UGGT2: variants seen among roughly 807,000 people sequenced by gnomAD.
UGGT2 encodes the protein UDP-glucose:glycoprotein glucosyltransferase 2.
Under a neutral mutation model 192.1 loss-of-function variants are expected in UGGT2, and 180 were observed. That is an observed-to-expected ratio of 0.94 (90% CI 0.83 to 1.06). UGGT2 has a LOEUF of 1.06. Among genes scored for constraint, UGGT2 ranks in the 50% least tolerant of loss-of-function variants. UGGT2 has a pLI of 0.00. For synonymous variants in UGGT2, 580 were observed against 591.0 expected (o/e 0.98, Z 0.27); for missense variants, 1,849 against 1,795.7 (o/e 1.03, Z -0.54).
chr13:95,844,755 T>C (rs568056572), intron 36 of UGGT2, among the ~76,000 whole-genome samples: 2 of 152,324 alleles, frequency 1.3e-5, no homozygotes, highest in Non-Finnish European at 2.9e-5. Context: ...GTTTTACTTA[T>C]TCCTTGCCAA....
chr13:95,890,987 G>A, intron 24 of UGGT2, 23 bp from the exon 25 acceptor site: 1 of 1,516,240 alleles, frequency 6.6e-7, no homozygotes, highest in Non-Finnish European at 9.1e-7. Context: ...AAAATAAGAT[G>A]AAAGATGACG....
chr13:95,958,745 A>G, intron 12 of UGGT2, among the ~76,000 whole-genome samples: 1 of 152,156 alleles, frequency 6.6e-6, no homozygotes, highest in South Asian at 2.1e-4. Context: ...TTCACCAGAG[A>G]AGTGACAGGA....
chr13:95,904,073 A>G (rs544117488), intron 20 of UGGT2, among the ~76,000 whole-genome samples: 1 of 152,032 alleles, frequency 6.6e-6, no homozygotes, highest in South Asian at 2.1e-4. Context: ...GAGGAGTTGG[A>G]TTTCTAAGAC....
At chr13:95,907,974 C>T (rs943421800) in intron 20 of UGGT2, among the ~76,000 whole-genome samples, 2 of 152,058 alleles carry the variant, frequency 1.3e-5, no homozygotes, top group Non-Finnish European at 2.9e-5. Context: ...ATATTCGAAC[C>T]CATCTCAAGG....
chr13:95,900,216 A>G (rs1343834666), intron 22 of UGGT2, among the ~76,000 whole-genome samples: 1 of 152,158 alleles, frequency 6.6e-6, no homozygotes, highest in East Asian at 1.9e-4. Flanking sequence ...ATAAGGATGT[A>G]TTCTAAAAAA....
intron 2 of UGGT2, among the ~76,000 whole-genome samples, chr13:96,026,545 C>A (rs956848826): frequency 3.3e-5 from 5 of 150,990 alleles, no homozygotes; most frequent in African/African-American, 1.2e-4. Context: ...CAATAAATTT[C>A]TTTAATATTT....
At chr13:95,910,517 T>A (rs2048457540) in intron 20 of UGGT2, among the ~76,000 whole-genome samples, 1 of 152,146 alleles carries the variant, frequency 6.6e-6, no homozygotes, top group Non-Finnish European at 1.5e-5. Flanking sequence ...GGTAAACGGA[T>A]GAATTGAACA....
intron 33 of UGGT2, among the ~76,000 whole-genome samples, chr13:95,858,463 A>T (rs1428715563): frequency 6.6e-6 from 1 of 152,062 alleles, no homozygotes; most frequent in Non-Finnish European, 1.5e-5. Flanking sequence ...GACCCTCAAT[A>T]AAAACTCTGT....
At chr13:96,049,223 A>C (rs1339623021) in intron 1 of UGGT2, among the ~76,000 whole-genome samples, 1 of 152,232 alleles carries the variant, frequency 6.6e-6, no homozygotes, top group Non-Finnish European at 1.5e-5. Context: ...AGAACCAAAG[A>C]CAAAAACCAC....
rs184301295 is a variant in UGGT2 at position 95,867,220 on chromosome 13, A to G, written c.3558+119T>C. 7.4e-5 allele frequency: 65 copies of G among 881,538 alleles called. No individual in the cohort carries two copies. In the African/African-American group the frequency reaches 1.0e-3, roughly 14 times the overall value. 54.6% of individuals were successfully genotyped at this position (881,538 alleles called of 1,614,324 possible). ...TTTTTTACTGCTGGAGTTCAAATATAACATTTTAGGTTGTAAAATTGTAAA... is the reference window on the plus strand; with the variant it reads ...TTTTTTACTGCTGGAGTTCAAATATGACATTTTAGGTTGTAAAATTGTAAA... On this transcript the variant is annotated intron_variant, in intron 30 of 38. Coordinates refer to ENST00000376747, the MANE Select transcript of UGGT2 (RefSeq NM_020121.4).
intron 9 of UGGT2, chr13:95,985,105 T>C (rs2051248066): frequency 2.1e-5 from 7 of 330,478 alleles, no homozygotes; most frequent in South Asian, 1.9e-4. Context: ...TATACTGACT[T>C]AGCATCAATA....
At chr13:95,820,963 G>GAT (rs1486203293) in intron 38 of UGGT2, among the ~76,000 whole-genome samples, 1 of 151,968 alleles carries the variant, frequency 6.6e-6, no homozygotes, top group African/African-American at 2.4e-5. Context: ...TAGTCCAGGG[G>GAT]ATATATATAC....
rs777086306 is a variant in UGGT2 at position 95,825,231 on chromosome 13, T to C, written c.4528+7696A>G. Among the ~76,000 whole-genome samples the C allele has an allele frequency of 2.6e-5, 4 of 152,296 alleles. No homozygotes were observed. In the East Asian group the frequency reaches 5.8e-4, roughly 22 times the overall value. ...CCCAGTATTTTATTTACTGAGTTGA[T>C]GGTTCAGGCTTCAGGATAGGAGTGG... On this transcript the variant is annotated intron_variant, in intron 38 of 38. Coordinates refer to ENST00000376747, the MANE Select transcript of UGGT2 (RefSeq NM_020121.4).
In UGGT2 at chr13:95,890,847, T is replaced by C. The variant is rs1421736041; in HGVS notation, c.2958+15A>G. On this transcript the variant is annotated intron_variant, in intron 25 of 38. Transcript: ENST00000376747. Reference sequence around the variant, plus strand: ...TTAAAAACAAAAACATTTAGTCTAATTTATATTATCTTACAACCAACAACT... The same window carrying C: ...TTAAAAACAAAAACATTTAGTCTAACTTATATTATCTTACAACCAACAACT... 1 of 1,589,096 alleles carries C rather than the reference T, an allele frequency of 6.3e-7. No homozygotes were observed. The highest frequency in any genetic ancestry group is 1.4e-5 in the African/African-American group (1 of 73,896).
At chr13:95,824,310 G>A (rs893467691) in intron 38 of UGGT2, among the ~76,000 whole-genome samples, 2 of 152,114 alleles carry the variant, frequency 1.3e-5, no homozygotes, top group Non-Finnish European at 2.9e-5. Flanking sequence ...GGAGTTCTTT[G>A]AGCTTCTTGT....
chr13:95,863,746 G>A, intron 30 of UGGT2, 32 bp from the exon 31 acceptor site: 1 of 1,556,494 alleles, frequency 6.4e-7, no homozygotes. Context: ...ATTAGAATTT[G>A]GCTGCTTTAA....
At chr13:95,845,577 C>T (rs1362650435) in intron 36 of UGGT2, among the ~76,000 whole-genome samples, 1 of 151,768 alleles carries the variant, frequency 6.6e-6, no homozygotes, top group Non-Finnish European at 1.5e-5. Flanking sequence ...TCTTTCTACA[C>T]AGACACAGTA....
intron 6 of UGGT2, among the ~76,000 whole-genome samples, chr13:95,998,785 G>A (rs72632672): frequency 0.058 from 8,455 of 145,362 alleles, 345 homozygotes; most frequent in East Asian, 0.19. Context: ...CTTCAGGATA[G>A]AAAAAAAAAA....
chr13:95,877,051 T>C (rs1252656345), intron 29 of UGGT2: 2 of 364,952 alleles, frequency 5.5e-6, no homozygotes, highest in Admixed American at 9.3e-5. Flanking sequence ...GTCTGGCAAA[T>C]TTTTGTATTT....
Sources: allele counts gnomAD v4.1 joint callset (sites outside exome capture counted in the v4.1 genomes callset), GRCh38; gene constraint gnomAD v4.1.1; transcripts MANE v1.5; gene names NCBI Gene and HGNC (gene_info 2026-07-23, HGNC 2026-07-21).